STRBP: variants seen among roughly 807,000 people sequenced by gnomAD.
STRBP encodes the protein spermatid perinuclear RNA binding protein.
In STRBP, 13 loss-of-function variants were observed where a neutral mutation model predicts 80.1. The observed-to-expected ratio is 0.16, with a 90% CI of 0.11 to 0.26. The LOEUF is 0.26. Among genes scored for constraint, STRBP ranks in the 10% least tolerant of loss-of-function variants. The pLI is 1.00. For missense variants in STRBP, 485 were observed against 815.2 expected, an observed-to-expected ratio of 0.59 and a Z score of 4.93; for synonymous variants, 284 against 291.2, an observed-to-expected ratio of 0.98 and a Z score of 0.25.
chr9:123,201,472 T>C (rs1202469413), intron 2 of STRBP, among the ~76,000 whole-genome samples: 2 of 152,218 alleles, frequency 1.3e-5, no homozygotes, highest in Non-Finnish European at 2.9e-5. Flanking sequence ...AACCCAGATA[T>C]CATTCAGGAG....
At chr9:123,242,694 C>T (rs1408756044) in intron 1 of STRBP, among the ~76,000 whole-genome samples, 1 of 152,122 alleles carries the variant, frequency 6.6e-6, no homozygotes, top group Non-Finnish European at 1.5e-5. Flanking sequence ...AATGAAATTG[C>T]TTCCACTTCC....
chr9:123,111,492 G>A (rs745372844), intron 3 of STRBP: 3 of 362,734 alleles, frequency 8.3e-6, no homozygotes, highest in Non-Finnish European at 1.7e-5. Context: ...GACCATCTTG[G>A]TTCCCTAAGC....
intron 2 of STRBP, among the ~76,000 whole-genome samples, chr9:123,200,981 G>A (rs1453286737): frequency 6.6e-6 from 1 of 151,724 alleles, no homozygotes; most frequent in Non-Finnish European, 1.5e-5. Flanking sequence ...ACGTTTCCAG[G>A]AATTTGACCA....
intron 2 of STRBP, among the ~76,000 whole-genome samples, chr9:123,214,638 T>C (rs1317824308): frequency 1.3e-5 from 2 of 152,196 alleles, no homozygotes; most frequent in African/African-American, 4.8e-5. Context: ...TCAGGTCAAA[T>C]GCTACCTCTC....
intron 2 of STRBP, among the ~76,000 whole-genome samples, chr9:123,230,932 G>A (rs1337573940): frequency 6.6e-6 from 1 of 152,130 alleles, no homozygotes; most frequent in Non-Finnish European, 1.5e-5. Flanking sequence ...AAACAAAAAG[G>A]TTAAACCTAT....
chr9:123,241,194 A>C (rs2132606862), intron 1 of STRBP, among the ~76,000 whole-genome samples: 1 of 151,896 alleles, frequency 6.6e-6, no homozygotes, highest in South Asian at 2.1e-4. Flanking sequence ...AAAAAAAAAA[A>C]ACAAAGTGAT....
At position 123,173,591 on chromosome 9, in the gene STRBP, C is replaced by T. The variant is rs2038099998; in HGVS notation, c.390+86G>A. ...CTGTGTCTATCCTATTAGCTATTAG[C>T]AATTCTGGTTAATAATTTTTTCAAA... is the stretch of plus-strand genomic sequence containing the variant. On this transcript the variant is annotated intron_variant, in intron 5 of 18. Coordinates refer to ENST00000348403, the MANE Select transcript of STRBP (RefSeq NM_018387.5). 5 of 1,413,564 alleles carry T rather than the reference C, an allele frequency of 3.5e-6. No homozygotes were observed. The Admixed American group carries it at 1.1e-4, about 31-fold the overall frequency. 87.6% of individuals were successfully genotyped at this position (1,413,564 alleles called of 1,614,324 possible).
intron 1 of STRBP, among the ~76,000 whole-genome samples, chr9:123,248,258 CGT>C (rs2040838594): frequency 7.1e-6 from 1 of 140,098 alleles, no homozygotes; most frequent in Non-Finnish European, 1.5e-5. Flanking sequence ...CCACCCCTAT[CGT>C]GTTTTTTTTT....
At chr9:123,143,285 T>A (rs969854405) in intron 13 of STRBP, among the ~76,000 whole-genome samples, 14 of 152,204 alleles carry the variant, frequency 9.2e-5, no homozygotes, top group African/African-American at 3.4e-4. Flanking sequence ...AGGTATCCTT[T>A]GTGGGGGGCT....
intron 3 of STRBP, among the ~76,000 whole-genome samples, chr9:123,181,433 A>G (rs929983441): frequency 7.2e-5 from 11 of 152,174 alleles, no homozygotes; most frequent in Non-Finnish European, 1.3e-4. Context: ...AATAATACAG[A>G]CTGCCAATGT....
chr9:123,226,774 C>T (rs900907166), intron 2 of STRBP, among the ~76,000 whole-genome samples: 7 of 138,006 alleles, frequency 5.1e-5, no homozygotes, highest in African/African-American at 7.9e-5. Flanking sequence ...GAGGGGGTGG[C>T]GGGGTGGGGA....
intron 1 of STRBP, among the ~76,000 whole-genome samples, chr9:123,254,476 AAAAG>A (rs1490935996): frequency 1.5e-4 from 23 of 151,158 alleles, no homozygotes; most frequent in Non-Finnish European, 3.1e-4. Context: ...AAAAAAAAAA[AAAAG>A]AAAGAACAAA....
intron 2 of STRBP, among the ~76,000 whole-genome samples, chr9:123,189,057 C>T (rs919477584): frequency 2.6e-5 from 4 of 152,112 alleles, no homozygotes; most frequent in Non-Finnish European, 4.4e-5. Flanking sequence ...TTGGAACCAA[C>T]CTGAATGTCC....
At chr9:123,229,403 T>C (rs973426556) in intron 2 of STRBP, among the ~76,000 whole-genome samples, 1 of 152,138 alleles carries the variant, frequency 6.6e-6, no homozygotes, top group East Asian at 1.9e-4. Context: ...AACAGTTGAA[T>C]AGAGACTACT....
intron 2 of STRBP, among the ~76,000 whole-genome samples, chr9:123,188,850 C>A (rs533626248): frequency 2.0e-5 from 3 of 152,032 alleles, no homozygotes; most frequent in South Asian, 2.1e-4. Flanking sequence ...GACTAGGAAA[C>A]CTTCAATTTT....
At chr9:123,194,292 A>C (rs2039021697) in intron 2 of STRBP, among the ~76,000 whole-genome samples, 2 of 152,094 alleles carry the variant, frequency 1.3e-5, no homozygotes, top group Non-Finnish European at 2.9e-5. Context: ...TGTTATTATA[A>C]ATGAACTGTC....
At chr9:123,267,429 C>T (rs1407266883) in intron 1 of STRBP, among the ~76,000 whole-genome samples, 1 of 151,698 alleles carries the variant, frequency 6.6e-6, no homozygotes, top group Admixed American at 6.6e-5. Flanking sequence ...CAATGAACTT[C>T]CCCCTTCCAC....
intron 2 of STRBP, among the ~76,000 whole-genome samples, chr9:123,211,135 T>C (rs1304196535): frequency 6.6e-6 from 1 of 152,112 alleles, no homozygotes; most frequent in African/African-American, 2.4e-5. Flanking sequence ...CTGGAAAACA[T>C]GCAAAACGTC....
At chr9:123,246,233 G>T (rs970841276) in intron 1 of STRBP, among the ~76,000 whole-genome samples, 1 of 152,194 alleles carries the variant, frequency 6.6e-6, no homozygotes, top group African/African-American at 2.4e-5. Flanking sequence ...TTCGAATGAA[G>T]TATTCTTTTC....
Sources: allele counts gnomAD v4.1 joint callset (sites outside exome capture counted in the v4.1 genomes callset), GRCh38; gene constraint gnomAD v4.1.1; transcripts MANE v1.5; gene names NCBI Gene and HGNC (gene_info 2026-07-23, HGNC 2026-07-21).